USP39: variants seen among roughly 807,000 people sequenced by gnomAD.
USP39 encodes ubiquitin specific peptidase 39.
USP39 carries 38 observed loss-of-function variants against 66.4 expected under a neutral mutation model. That is an observed-to-expected ratio of 0.57 (90% confidence interval 0.44 to 0.75). USP39 has a LOEUF of 0.75. USP39 is among the 30% of genes least tolerant of loss of function. USP39 has a pLI of 0.00. For missense variants in USP39, 608 were observed against 714.4 expected (o/e 0.85, Z 1.70); for synonymous variants, 303 against 274.6 (o/e 1.10, Z -1.02).
chr2:85,626,696 A>G (rs1052108065), intron 5 of USP39, among the ~76,000 whole-genome samples: 1 of 152,142 alleles, frequency 6.6e-6, no homozygotes, highest in Middle Eastern at 3.4e-3. Context: ...TTGGAAAGGC[A>G]GAAAACCAAA....
chr2:85,618,856 T>G (rs1356079845), intron 1 of USP39, among the ~76,000 whole-genome samples: 1 of 151,936 alleles, frequency 6.6e-6, no homozygotes, highest in African/African-American at 2.4e-5. Flanking sequence ...TGCAACCGCC[T>G]TCTCCCAGGT....
At chr2:85,635,664 A>G (rs1365319234) in intron 6 of USP39, among the ~76,000 whole-genome samples, 1 of 152,168 alleles carries the variant, frequency 6.6e-6, no homozygotes, top group Non-Finnish European at 1.5e-5. Flanking sequence ...CTTGTTCTGT[A>G]TGCCTTTTCA....
intron 2 of USP39, among the ~76,000 whole-genome samples, chr2:85,619,611 AAC>A (rs1269863298): frequency 1.3e-5 from 2 of 151,028 alleles, no homozygotes; most frequent in African/African-American, 4.9e-5. Flanking sequence ...GCAGAAAAAA[AAC>A]ACAGAAATTT....
intron 4 of USP39, 140 bp downstream of exon 4, chr2:85,623,922 A>T: frequency 1.1e-6 from 1 of 926,296 alleles, no homozygotes; most frequent in East Asian, 2.7e-5. Flanking sequence ...TTTGGGAAGA[A>T]CTGGGGAAAC....
upstream of USP39, chr2:85,616,017 G>A (rs2104199713): frequency 1.6e-6 from 2 of 1,245,642 alleles, no homozygotes; most frequent in African/African-American, 1.6e-5. Context: ...AAGGTTCTAA[G>A]GGGAGAGGAA....
upstream of USP39, among the ~76,000 whole-genome samples, chr2:85,613,970 G>A (rs1046206509): frequency 4.6e-5 from 7 of 151,614 alleles, no homozygotes; most frequent in East Asian, 1.2e-3. Context: ...GTCTCTCTAT[G>A]TTGCCAAGGC....
In USP39 at chr2:85,639,237, A is replaced by G. The variant is rs1378655227; in HGVS notation, c.1130A>G (p.Asp377Gly). The G allele has an allele frequency of 6.2e-7, 1 of 1,613,458 alleles. No homozygotes were observed. The highest frequency in any genetic ancestry group is 8.5e-7 in the Non-Finnish European group (1 of 1,179,828). The change falls in exon 9 of 13, where the codon GAC (aspartate) becomes GGC (glycine). Residue 377 changes from aspartate to glycine, a missense_variant. Around this residue, in one of 6 missense-constraint regions of USP39, gnomAD observed 164 missense variants for 250.3 expected, o/e 0.66. Transcript: ENST00000323701. ...GAAAAAGAGCAGTTGCTCCATAATG[A>G]CGAGTACCAGGAGACAATGGTGGAG... ...AEEKEQLLHN[D>G]EYQETMVEST...
upstream of USP39, chr2:85,611,246 A>G (rs1057076063): frequency 8.9e-6 from 12 of 1,351,662 alleles, no homozygotes; most frequent in African/African-American, 1.8e-4. Context: ...ATAATGCTTA[A>G]CAAAAATTGA....
rs1371148616 is a variant in USP39, at chr2:85,616,274, C to T, written c.79C>T (p.Arg27Cys). The stretch of plus-strand genomic sequence containing the variant: ...GTCTGAGTCGCGGGGCAGCTCCGGT[C>T]GCGTCAAGCGGGAGCGAGATCGGGA... ...RESESRGSSG[R>C]VKRERDRERE... Residue 27 changes from arginine (R) to cysteine (C), a missense_variant, in exon 1 of 13, where the codon CGC becomes TGC. Transcript: ENST00000323701. 9 of 1,543,942 alleles carry T rather than the reference C, an allele frequency of 5.8e-6. No homozygotes were observed. The South Asian group carries it at 9.7e-5, about 17-fold the overall frequency.
rs763704524 is a variant in USP39 at position 85,616,419 on chromosome 2, A to T, written c.224A>T (p.Glu75Val). 2.3e-5 allele frequency: 37 copies of T among 1,593,544 alleles called. No homozygotes were observed. The highest frequency in any genetic ancestry group is 4.1e-5 in the African/African-American group (3 of 73,714). The part of the protein sequence containing the change: ...SVVPFVRVKR[E>V]REVDEDSEPE... ...GTCCCGTTTGTGCGGGTGAAGCGGG[A>T]GCGCGAGGTCGATGAGGACTCGGAG... The change falls in exon 1 of 13, where the codon GAG becomes GTG. Residue 75 changes from glutamate (E) to valine (V), a missense_variant. This residue lies in a region of USP39 where 207 missense variants were observed against 145.7 expected (regional missense o/e 1.42). Coordinates refer to ENST00000323701, the MANE Select transcript of USP39 (RefSeq NM_006590.4).
Position 85,619,284 on chromosome 2 carries a change from T to C in USP39, c.333T>C (p.Ile111=). The change falls in exon 2 of 13, where the codon ATT becomes ATC. Residue 111 remains isoleucine (I), a synonymous_variant. Coordinates refer to ENST00000323701, the MANE Select transcript of USP39 (RefSeq NM_006590.4). Reference sequence around the variant, plus strand: ...GCCACTGCCCGTACCTGGACACCATTAACAGGTCAGTAGGACAGAGATGCT... The same window carrying C: ...GCCACTGCCCGTACCTGGACACCATCAACAGGTCAGTAGGACAGAGATGCT... ...RSRHCPYLDT[I]NRSVLDFDFE... is the part of the protein sequence containing the mutation. 6.2e-7 allele frequency: 1 copy of C among 1,613,464 alleles called. No individual in the cohort carries two copies. Among genetic ancestry groups the C allele is most frequent in the Non-Finnish European group, 8.5e-7 (1 of 1,179,792 alleles).
At chr2:85,647,858 C>T in intron 11 of USP39, 72 bp from the exon 12 acceptor site, 1 of 1,433,140 alleles carries the variant, frequency 7.0e-7, no homozygotes, top group Non-Finnish European at 9.8e-7. Context: ...CTAGTCTTGG[C>T]TATGATCCTT....
chr2:85,644,882 T>C lies in USP39; in HGVS notation c.1428-66T>C, dbSNP rs1573451643. The C allele has an allele frequency of 3.1e-6, 5 of 1,600,432 alleles. No individual in the cohort carries two copies. The East Asian group carries it at 1.1e-4, about 36-fold the overall frequency. Reference sequence around the variant, plus strand: ...TGAACAATTTTGTGGTCCGTTTGTGTAGGACAGTTTCCTTAACCTCACAGC... The same window carrying C: ...TGAACAATTTTGTGGTCCGTTTGTGCAGGACAGTTTCCTTAACCTCACAGC... On this transcript the variant is annotated intron_variant, in intron 10 of 12. Transcript: ENST00000323701.
chr2:85,617,020 G>T (rs992604660), intron 1 of USP39, among the ~76,000 whole-genome samples: 1 of 149,634 alleles, frequency 6.7e-6, no homozygotes, highest in Non-Finnish European at 1.5e-5. Context: ...TGCAAAAATC[G>T]TAACAACAGC....
chr2:85,612,500 C>A, upstream of USP39: 2 of 939,530 alleles, frequency 2.1e-6, no homozygotes, highest in South Asian at 1.6e-5. Flanking sequence ...TTGAAGTGCT[C>A]AGGCAGGGCA....
chr2:85,621,456 A>G lies in USP39; in HGVS notation c.339-29A>G, dbSNP rs774697659. ...GCGTGCCTTCCTACATGTCCATCCT[A>G]TTTATTTTTTTCTGTTTTGTTTCCT... On this transcript the variant is annotated intron_variant, in intron 2 of 12. Transcript: ENST00000323701. 23 of 1,601,902 alleles carry G rather than the reference A, an allele frequency of 1.4e-5. 1 individual carries two copies. The highest frequency in any genetic ancestry group is 4.4e-5 in the South Asian group (4 of 90,846).
upstream of USP39, chr2:85,612,319 C>T (rs1162953696): frequency 3.3e-6 from 5 of 1,535,924 alleles, no homozygotes; most frequent in Middle Eastern, 1.7e-4. Context: ...ATCTATAACA[C>T]AACTCGATGC....
chr2:85,641,637 C>T (rs1263754518), intron 10 of USP39, among the ~76,000 whole-genome samples: 2 of 152,080 alleles, frequency 1.3e-5, no homozygotes, highest in African/African-American at 4.8e-5. Flanking sequence ...CGTGGTGGCT[C>T]ACGCCTGTAA....
chr2:85,612,445 A>ACT, upstream of USP39: 1 of 1,352,710 alleles, frequency 7.4e-7, no homozygotes, highest in Non-Finnish European at 1.0e-6. Context: ...CCTCATTAGT[A>ACT]AATGGGAACA....
Sources: gnomAD v4.1 joint callset for allele counts (sites outside exome capture counted in the v4.1 genomes callset) on GRCh38, gnomAD v4.1.1 for gene constraint, gnomAD v4.1.1 regional missense constraint, MANE v1.5 for transcripts, NCBI Gene and HGNC (gene_info 2026-07-23, HGNC 2026-07-21) for gene names.